The following BIN2 variants were observed in gnomAD, a reference collection of about 807,000 sequenced individuals.
BIN2 encodes breast cancer associated protein BRAP1.
BIN2 carries 43 observed loss-of-function variants against 67.9 expected under a neutral mutation model. That is an observed-to-expected ratio of 0.63 (90% CI 0.50 to 0.82). The LOEUF (loss-of-function observed/expected upper bound fraction) is 0.82, where lower values mean the gene tolerates loss of function less well. Among genes scored for constraint, BIN2 ranks in the 40% least tolerant of loss-of-function variants. BIN2 has a pLI of 0.00. For missense variants in BIN2, 581 were observed against 671.6 expected (o/e 0.87, Z 1.49); for synonymous variants, 244 against 246.8 (o/e 0.99, Z 0.11).
chr12:51,286,714 AC>A (rs1474005679), intron 11 of BIN2, among the ~76,000 whole-genome samples: 1 of 152,162 alleles, frequency 6.6e-6, no homozygotes, highest in East Asian at 1.9e-4. Context: ...CCTACTCAAA[AC>A]CCCGCATCTA....
chr12:51,288,203 G>C lies in BIN2; in HGVS notation c.1516-15C>G. On this transcript the variant is annotated splice_polypyrimidine_tract_variant and intron_variant, in intron 10 of 12. Coordinates refer to ENST00000615107, the MANE Select transcript of BIN2 (RefSeq NM_016293.4). ...TCTGAAGCAACCTGTGAATCAAAGT[G>C]AACAATGGAGGAGAGAGTCCCACAC... The C allele has an allele frequency of 6.2e-7, 1 of 1,609,912 alleles. No individual in the cohort carries two copies. The highest frequency in any genetic ancestry group is 8.5e-7 in the Non-Finnish European group (1 of 1,176,392).
chr12:51,313,711 G>A (rs1946054736), intron 2 of BIN2, 112 bp downstream of exon 2: 4 of 942,076 alleles, frequency 4.2e-6, no homozygotes, highest in Non-Finnish European at 6.9e-6. Flanking sequence ...CCTAGGGGGA[G>A]GGTGGCTTGG....
intron 2 of BIN2, among the ~76,000 whole-genome samples, chr12:51,313,220 A>AAGGAAGGAAGGAAGGCAGGCAGGC (rs1319737260): frequency 1.4e-5 from 2 of 138,232 alleles, no homozygotes; most frequent in African/African-American, 5.4e-5. Flanking sequence ...GGAAGGAAGG[A>AAGGAAGGAAGGAAGGCAGGCAGGC]AGGCAGGAAG....
rs959533380 is a variant in BIN2 at position 51,291,497 on chromosome 12, C to G, written c.1515+94G>C. On this transcript the variant is annotated intron_variant, in intron 10 of 12. Coordinates refer to ENST00000615107, the MANE Select transcript of BIN2 (RefSeq NM_016293.4). ...GGTCGAGACTGCAATGAGCTGTGAT[C>G]GCACCACTACACTCCAGCCTGGACG... 8.7e-6 allele frequency: 11 copies of G among 1,260,400 alleles called. No homozygotes were observed. The South Asian group carries it at 1.3e-4, about 15-fold the overall frequency. 78.1% of individuals were successfully genotyped at this position (1,260,400 alleles called of 1,614,324 possible). A position where few individuals can be genotyped will look rare whatever the true frequency, so the allele number is the denominator to read the frequency against.
Position 51,299,197 on chromosome 12 carries a change from C to A in BIN2, c.602+6G>T. 1.2e-6 allele frequency: 2 copies of A among 1,604,676 alleles called. No homozygotes were observed. The highest frequency in any genetic ancestry group is 2.2e-5 in the South Asian group (2 of 90,842). On this transcript the variant is annotated splice_donor_region_variant and intron_variant, in intron 7 of 12. Transcript: ENST00000615107. ...AAAGGCACCTTTTCTGAATTTCAGTCATTACCTATTATAAAGAATAGGCAG... is the reference window on the plus strand; with the variant it reads ...AAAGGCACCTTTTCTGAATTTCAGTAATTACCTATTATAAAGAATAGGCAG...
At chr12:51,317,573 G>A (rs1427817976) in intron 1 of BIN2, among the ~76,000 whole-genome samples, 3 of 152,230 alleles carry the variant, frequency 2.0e-5, no homozygotes, top group Non-Finnish European at 2.9e-5. Flanking sequence ...GGAGGCTGAC[G>A]CAGGAGAATC....
Position 51,291,669 on chromosome 12 carries a change from A to T in BIN2, c.1437T>A (p.Pro479=). 1 of 1,613,804 alleles carries T rather than the reference A, an allele frequency of 6.2e-7. No homozygotes were observed. Among genetic ancestry groups the T allele is most frequent in the Non-Finnish European group, 8.5e-7 (1 of 1,179,824 alleles). Residue 479 remains proline (P), a synonymous_variant, in exon 10 of 13, where the codon CCT becomes CCA. Transcript: ENST00000615107. ...GGATGTTTTCATTTTCTTTGGCCTC[A>T]GGAGTTCTTACTGGCTTCTCTGGTG... ...PEPPEKPVRT[P]EAKENENIHN... is the part of the protein sequence containing the mutation.
chr12:51,321,502 C>T (rs944802520), intron 1 of BIN2, among the ~76,000 whole-genome samples: 5 of 151,982 alleles, frequency 3.3e-5, no homozygotes, highest in Admixed American at 2.0e-4. Context: ...CAGGTTCAAG[C>T]GATTCTCCTG....
At chr12:51,303,372 T>C (rs1179825656) in intron 2 of BIN2, among the ~76,000 whole-genome samples, 1 of 152,212 alleles carries the variant, frequency 6.6e-6, no homozygotes, top group Non-Finnish European at 1.5e-5. Flanking sequence ...CACTGGCGTC[T>C]TCCTTTCAGT....
In BIN2 at chr12:51,299,235, T is replaced by C; in HGVS notation, c.570A>G (p.Glu190=). Residue 190 remains glutamate, a synonymous_variant, in exon 7 of 13, where the codon GAA becomes GAG. Coordinates refer to ENST00000615107, the MANE Select transcript of BIN2 (RefSeq NM_016293.4). The stretch of plus-strand genomic sequence containing the variant: ...AAAGAATAGGCAGCTCCTCTAGTAG[T>C]TCTTGGTTCAGATCTTCAAACACAG... The part of the protein sequence containing the change: ...AQTVFEDLNQ[E]LLEELPILYN... 3 of 1,613,828 alleles carry C rather than the reference T, an allele frequency of 1.9e-6. No individual in the cohort carries two copies. The highest frequency in any genetic ancestry group is 2.5e-6 in the Non-Finnish European group (3 of 1,179,706).
At chr12:51,298,979 A>G (rs1409712624) in intron 7 of BIN2, among the ~76,000 whole-genome samples, 7 of 151,934 alleles carry the variant, frequency 4.6e-5, no homozygotes, top group Admixed American at 3.3e-4. Context: ...TGGCTGAAGC[A>G]CAACAATCAC....
At chr12:51,290,198 C>A (rs1945346903) in intron 10 of BIN2, among the ~76,000 whole-genome samples, 1 of 151,836 alleles carries the variant, frequency 6.6e-6, no homozygotes, top group Non-Finnish European at 1.5e-5. Flanking sequence ...CGGCTTACTG[C>A]AACGTCTGCC....
intron 12 of BIN2, among the ~76,000 whole-genome samples, chr12:51,284,053 TTATAGTC>T (rs1945181560): frequency 6.6e-6 from 1 of 152,044 alleles, no homozygotes; most frequent in South Asian, 2.1e-4. Context: ...TGTACAGTGT[TTATAGTC>T]TATAGGAGTG....
At chr12:51,302,344 G>A (rs1592268001) in intron 4 of BIN2, 1 of 542,982 alleles carries the variant, frequency 1.8e-6, no homozygotes, top group South Asian at 2.2e-5. Context: ...AGGGCACAAG[G>A]TCAAAGCCTT....
chr12:51,321,544 C>T (rs202206118), intron 1 of BIN2, among the ~76,000 whole-genome samples: 1 of 152,076 alleles, frequency 6.6e-6, no homozygotes, highest in Non-Finnish European at 1.5e-5. Flanking sequence ...GGATTACAGG[C>T]ATGCGCCACC....
chr12:51,291,560 A>T lies in BIN2; in HGVS notation c.1515+31T>A, dbSNP rs201932214. On this transcript the variant is annotated intron_variant, in intron 10 of 12. Coordinates refer to ENST00000615107, the MANE Select transcript of BIN2 (RefSeq NM_016293.4). ...CCTAGCTTAAATAAATAAATTAATTAAATTAAATACCCAACCAGAACTACT... is the reference window on the plus strand; with the variant it reads ...CCTAGCTTAAATAAATAAATTAATTTAATTAAATACCCAACCAGAACTACT... 6.1e-4 allele frequency: 940 copies of T among 1,535,880 alleles called. 7 individuals carry two copies. The highest frequency in any genetic ancestry group is 4.8e-3 in the Middle Eastern group (27 of 5,678).
intron 2 of BIN2, among the ~76,000 whole-genome samples, chr12:51,309,944 T>G (rs1289804782): frequency 6.6e-6 from 1 of 152,162 alleles, no homozygotes; most frequent in Admixed American, 6.6e-5. Flanking sequence ...CTTTTCAACC[T>G]GGAGTTGGAA....
At chr12:51,316,126 G>A (rs1403707578) in intron 1 of BIN2, among the ~76,000 whole-genome samples, 3 of 152,088 alleles carry the variant, frequency 2.0e-5, no homozygotes, top group Non-Finnish European at 1.5e-5. Context: ...GCTGCAATAG[G>A]TCTACTATGC....
chr12:51,319,171 A>C (rs1282119559), intron 1 of BIN2, among the ~76,000 whole-genome samples: 5 of 152,198 alleles, frequency 3.3e-5, no homozygotes, highest in Non-Finnish European at 5.9e-5. Flanking sequence ...GAAAAGAGAA[A>C]ACTCAGTCTA....
Sources: allele counts gnomAD v4.1 joint callset (sites outside exome capture counted in the v4.1 genomes callset), GRCh38; gene constraint gnomAD v4.1.1; transcripts MANE v1.5; gene names NCBI Gene and HGNC (gene_info 2026-07-23, HGNC 2026-07-21).